Variants in ZNF469 observed in about 807,000 individuals in gnomAD.
ZNF469 encodes zinc finger protein 469.
ZNF469 carries 1 observed loss-of-function variant against 1.0 expected under a neutral mutation model. The ratio of observed to expected loss-of-function variants is 1.00; its 90% CI spans 0.35 to 4.73. ZNF469 has a LOEUF of 4.73. ZNF469 is among the 30% of genes most tolerant of loss of function. ZNF469 has a pLI of 0.16. For missense variants in ZNF469, 6,100 were observed against 5,356.3 expected, an observed-to-expected ratio of 1.14 and a Z score of -4.33; for synonymous variants, 2,703 against 2,363.4, an observed-to-expected ratio of 1.14 and a Z score of -4.17.
At chr16:88,409,374 C>G (rs983281236) in intron 1 of ZNF469, among the ~76,000 whole-genome samples, 1 of 152,226 alleles carries the variant, frequency 6.6e-6, no homozygotes, top group African/African-American at 2.4e-5. Flanking sequence ...GCTAGACAAA[C>G]GTGAAAGCGG....
At chr16:88,379,610 G>A (rs989599871), upstream of ZNF469, among the ~76,000 whole-genome samples, 1 of 152,126 alleles carries the variant, frequency 6.6e-6, no homozygotes, top group African/African-American at 2.4e-5. Context: ...ATTGACACCT[G>A]GGGCAGGATG....
At chr16:88,210,132 C>A in the ZNF469 span, among the ~76,000 whole-genome samples, 2 of 152,296 alleles carry the variant, frequency 1.3e-5, no homozygotes, top group African/African-American at 4.8e-5. Flanking sequence ...ATTGACATTT[C>A]TGTTTTGAGT....
chr16:88,211,809 G>A, the ZNF469 span, among the ~76,000 whole-genome samples: 2 of 152,156 alleles, frequency 1.3e-5, no homozygotes, highest in East Asian at 1.9e-4. Flanking sequence ...CTATTAGAAT[G>A]TTTGCCACCT....
chr16:88,405,186 T>C (rs1904993030), intron 1 of ZNF469, among the ~76,000 whole-genome samples: 1 of 152,108 alleles, frequency 6.6e-6, no homozygotes, highest in Non-Finnish European at 1.5e-5. Flanking sequence ...AGCCACAGGA[T>C]GGGCCAGGGC....
chr16:88,209,701 C>T, the ZNF469 span, among the ~76,000 whole-genome samples: 10 of 152,144 alleles, frequency 6.6e-5, no homozygotes, highest in Non-Finnish European at 1.5e-4. Context: ...AATAACATAT[C>T]GTGGAAATGA....
chr16:88,227,514 A>G, the ZNF469 span, among the ~76,000 whole-genome samples: 33,505 of 78,560 alleles, frequency 0.43, 4,545 homozygotes, highest in Middle Eastern at 0.49. Context: ...CCATCTCCCC[A>G]TCTCCCCATC....
At chr16:88,247,240 G>GGTGAAAGAGTGA in the ZNF469 span, among the ~76,000 whole-genome samples, 1 of 147,472 alleles carries the variant, frequency 6.8e-6, no homozygotes, top group African/African-American at 2.5e-5. Context: ...GGGAGTGAAT[G>GGTGAAAGAGTGA]GTGAATGAGT....
upstream of ZNF469, among the ~76,000 whole-genome samples, chr16:88,380,861 C>G (rs1344085528): frequency 6.7e-6 from 1 of 148,912 alleles, no homozygotes; most frequent in Non-Finnish European, 1.5e-5. Flanking sequence ...CTCACATGCA[C>G]TCACACACAG....
At chr16:88,397,248 C>G (rs1161782976) in intron 1 of ZNF469, among the ~76,000 whole-genome samples, 3 of 152,256 alleles carry the variant, frequency 2.0e-5, no homozygotes, top group Non-Finnish European at 4.4e-5. Flanking sequence ...GGTGCCCACC[C>G]TCAAGCGATC....
At chr16:88,185,519 A>G in the ZNF469 span, among the ~76,000 whole-genome samples, 2 of 151,638 alleles carry the variant, frequency 1.3e-5, no homozygotes, top group African/African-American at 4.9e-5. Flanking sequence ...ATGCATACAT[A>G]CATGTGACCA....
At chr16:88,258,970 GAC>G in the ZNF469 span, among the ~76,000 whole-genome samples, 1 of 152,214 alleles carries the variant, frequency 6.6e-6, no homozygotes, top group Non-Finnish European at 1.5e-5. Flanking sequence ...GAGCTGAGAA[GAC>G]ACACGTGCCT....
chr16:88,405,897 C>T (rs937289531), intron 1 of ZNF469, among the ~76,000 whole-genome samples: 1 of 152,240 alleles, frequency 6.6e-6, no homozygotes, highest in Non-Finnish European at 1.5e-5. Flanking sequence ...ACGGTTCCTG[C>T]GTCCTCCCGA....
At chr16:88,203,021 G>A in the ZNF469 span, among the ~76,000 whole-genome samples, 17 of 152,322 alleles carry the variant, frequency 1.1e-4, no homozygotes, top group South Asian at 6.2e-4. Flanking sequence ...AGTCACAACC[G>A]TAGGGAGAGT....
chr16:88,243,432 G>A, the ZNF469 span, among the ~76,000 whole-genome samples: 6 of 152,204 alleles, frequency 3.9e-5, no homozygotes, highest in Non-Finnish European at 8.8e-5. Flanking sequence ...AGATTCTCCA[G>A]GCACAGAGCG....
intron 1 of ZNF469, among the ~76,000 whole-genome samples, chr16:88,395,376 G>A (rs1904629677): frequency 6.8e-6 from 1 of 146,982 alleles, no homozygotes; most frequent in African/African-American, 2.6e-5. Flanking sequence ...TGGATGGCTG[G>A]ATGGCTGGAT....
At chr16:88,229,555 C>T in the ZNF469 span, among the ~76,000 whole-genome samples, 3 of 151,618 alleles carry the variant, frequency 2.0e-5, no homozygotes, top group East Asian at 3.9e-4. Flanking sequence ...GGATGTCACA[C>T]GTGTGGATGT....
At chr16:88,277,881 C>A in the ZNF469 span, among the ~76,000 whole-genome samples, 1 of 21,568 alleles carries the variant, frequency 4.6e-5, no homozygotes, top group African/African-American at 1.3e-4. Flanking sequence ...TCAGTCAGTA[C>A]CACGTAGATA....
the ZNF469 span, among the ~76,000 whole-genome samples, chr16:88,364,584 A>G: frequency 6.6e-6 from 1 of 150,928 alleles, no homozygotes; most frequent in African/African-American, 2.4e-5. Flanking sequence ...ACGTCTTTCC[A>G]TTAGAGTCTT....
chr16:88,239,705 ATATATATATATTTTTTTTTTTT>A, the ZNF469 span, among the ~76,000 whole-genome samples: 2 of 5,850 alleles, frequency 3.4e-4, no homozygotes, highest in African/African-American at 2.3e-3. Flanking sequence ...ATATATATAT[ATATATATATATTTTTTTTTTTT>A]TTTTTTTTTT....
Sources: gnomAD v4.1 joint callset for allele counts (sites outside exome capture counted in the v4.1 genomes callset) on GRCh38, gnomAD v4.1.1 for gene constraint, MANE v1.5 for transcripts, NCBI Gene and HGNC (gene_info 2026-07-23, HGNC 2026-07-21) for gene names.